VEPH1: variants seen among roughly 807,000 people sequenced by gnomAD.
VEPH1 encodes ventricular zone expressed PH domain containing 1.
In VEPH1, 80 loss-of-function variants were observed where a neutral mutation model predicts 85.2. That is an observed-to-expected ratio of 0.94 (90% CI 0.78 to 1.13). The LOEUF is 1.13. VEPH1 is among the 50% of genes most tolerant of loss of function. The pLI is 0.00. For missense variants in VEPH1, 955 were observed against 980.5 expected (o/e 0.97, Z 0.35); for synonymous variants, 297 against 348.0 (o/e 0.85, Z 1.63).
chr3:157,443,010 A>G (rs761429280), intron 4 of VEPH1: 2 of 1,563,450 alleles, frequency 1.3e-6, no homozygotes, highest in Admixed American at 1.9e-5. Context: ...AAGCCAAAGA[A>G]AGAAACTCAC....
intron 4 of VEPH1, chr3:157,437,378 G>A: frequency 9.4e-7 from 1 of 1,067,510 alleles, no homozygotes; most frequent in South Asian, 1.4e-5. Flanking sequence ...GCTGTTTTTC[G>A]GAGGTGTCCT....
chr3:157,353,602 C>T (rs1159832252), intron 9 of VEPH1, among the ~76,000 whole-genome samples: 1 of 150,604 alleles, frequency 6.6e-6, no homozygotes, highest in African/African-American at 2.5e-5. Context: ...GTGATAGCTG[C>T]TTGATGTGTA....
At chr3:157,308,917 A>G (rs1313953500) in intron 11 of VEPH1, among the ~76,000 whole-genome samples, 1 of 152,140 alleles carries the variant, frequency 6.6e-6, no homozygotes, top group African/African-American at 2.4e-5. Context: ...TTGATGTTAA[A>G]TGAACAGGAC....
At chr3:157,296,394 A>G (rs1386711875) in intron 11 of VEPH1, among the ~76,000 whole-genome samples, 1 of 152,208 alleles carries the variant, frequency 6.6e-6, no homozygotes, top group African/African-American at 2.4e-5. Flanking sequence ...AGACTCTGTG[A>G]GGAAGAAAGG....
intron 4 of VEPH1, among the ~76,000 whole-genome samples, chr3:157,440,223 ATTAT>A (rs1301480868): frequency 6.6e-6 from 1 of 152,234 alleles, no homozygotes; most frequent in Admixed American, 6.5e-5. Context: ...AAAAGTTCAA[ATTAT>A]TTAGTGAAAA....
intron 12 of VEPH1, among the ~76,000 whole-genome samples, chr3:157,279,224 G>C (rs1285671753): frequency 6.6e-6 from 1 of 152,162 alleles, no homozygotes; most frequent in African/African-American, 2.4e-5. Context: ...GGATAAGAAG[G>C]AGTGTCCAGA....
At chr3:157,398,908 G>T (rs1730621531) in intron 6 of VEPH1, among the ~76,000 whole-genome samples, 1 of 151,908 alleles carries the variant, frequency 6.6e-6, no homozygotes, top group Non-Finnish European at 1.5e-5. Context: ...CAACAAATGG[G>T]CCAGCACACC....
chr3:157,358,745 CTT>C (rs1009564393), intron 9 of VEPH1, among the ~76,000 whole-genome samples: 2 of 152,284 alleles, frequency 1.3e-5, no homozygotes, highest in South Asian at 2.1e-4. Context: ...AAAAAATCAA[CTT>C]ATCACTTTGG....
chr3:157,436,949 A>G, intron 4 of VEPH1: 1 of 1,613,706 alleles, frequency 6.2e-7, no homozygotes, highest in South Asian at 1.1e-5. Flanking sequence ...TCTCCTTGCG[A>G]TTCTGTTTTG....
chr3:157,443,200 A>G (rs1262840904), intron 4 of VEPH1: 3 of 495,358 alleles, frequency 6.1e-6, no homozygotes, highest in Non-Finnish European at 6.9e-6. Context: ...ACTTTATGCC[A>G]TGGTGCTTTC....
At position 157,409,888 on chromosome 3, in the gene VEPH1, A is replaced by C. The variant is rs1036474888; in HGVS notation, c.906+3993T>G. 6.1e-6 allele frequency: 6 copies of C among 985,278 alleles called. No homozygotes were observed. The African/African-American group carries it at 1.0e-4, about 17-fold the overall frequency. The allele number at this position is 985,278 out of a possible 1,614,324, so 61.0% of individuals were successfully genotyped here. On this transcript the variant is annotated intron_variant, in intron 6 of 13. Coordinates refer to ENST00000362010, the MANE Select transcript of VEPH1 (RefSeq NM_001167912.2). Reference sequence around the variant, plus strand: ...CCCACAGGAGACTCTGCTCTTCTTAAAGATCAAACCATGGAGTTTGCTGGA... The same window carrying C: ...CCCACAGGAGACTCTGCTCTTCTTACAGATCAAACCATGGAGTTTGCTGGA...
chr3:157,419,711 T>C (rs763624165), intron 5 of VEPH1, among the ~76,000 whole-genome samples: 10 of 152,192 alleles, frequency 6.6e-5, no homozygotes, highest in Non-Finnish European at 1.2e-4. Context: ...GGAACATTTT[T>C]ACACTATTGG....
At chr3:157,471,461 GA>G (rs977651029) in intron 2 of VEPH1, among the ~76,000 whole-genome samples, 2 of 152,174 alleles carry the variant, frequency 1.3e-5, no homozygotes, top group African/African-American at 4.8e-5. Flanking sequence ...CTATGTTCCA[GA>G]AAGGTTTTAC....
At chr3:157,397,527 C>A (rs541972034) in intron 6 of VEPH1, among the ~76,000 whole-genome samples, 9 of 152,090 alleles carry the variant, frequency 5.9e-5, no homozygotes, top group Admixed American at 4.6e-4. Context: ...GCCATTTTCA[C>A]GATATTGATT....
At chr3:157,387,046 C>T (rs1217029725) in intron 6 of VEPH1, among the ~76,000 whole-genome samples, 2 of 152,084 alleles carry the variant, frequency 1.3e-5, no homozygotes, top group Non-Finnish European at 2.9e-5. Flanking sequence ...TTTAGTGGGT[C>T]AGATGGTCTC....
At chr3:157,363,223 C>G in intron 9 of VEPH1, 141 bp downstream of exon 9, 1 of 582,874 alleles carries the variant, frequency 1.7e-6, no homozygotes, top group Non-Finnish European at 2.6e-6. Context: ...AAAAAACTAA[C>G]ATAATGTAAG....
intron 4 of VEPH1, among the ~76,000 whole-genome samples, chr3:157,452,012 A>G (rs1307274573): frequency 1.3e-5 from 2 of 152,246 alleles, no homozygotes; most frequent in African/African-American, 4.8e-5. Flanking sequence ...TACTAAGACA[A>G]TTTATATTTA....
chr3:157,286,331 A>G, intron 12 of VEPH1: 2 of 523,532 alleles, frequency 3.8e-6, no homozygotes, highest in Admixed American at 3.1e-5. Flanking sequence ...TTCCTTGATA[A>G]CCACATATAG....
At chr3:157,378,339 T>TG (rs1728381970) in intron 7 of VEPH1, among the ~76,000 whole-genome samples, 1 of 101,162 alleles carries the variant, frequency 9.9e-6, no homozygotes, top group Admixed American at 9.9e-5. Flanking sequence ...TATATATATA[T>TG]ATATATATAT....
Sources: allele counts gnomAD v4.1 joint callset (sites outside exome capture counted in the v4.1 genomes callset), GRCh38; gene constraint gnomAD v4.1.1; transcripts MANE v1.5; gene names NCBI Gene and HGNC (gene_info 2026-07-23, HGNC 2026-07-21).